ZFHX3: variants seen among roughly 807,000 people sequenced by gnomAD.
The protein encoded by ZFHX3 is zinc finger homeobox protein 3.
ZFHX3 carries 42 observed loss-of-function variants against 279.1 expected under a neutral mutation model. That is an observed-to-expected ratio of 0.15 (90% CI 0.12 to 0.19). The LOEUF (loss-of-function observed/expected upper bound fraction) is 0.19, where lower values mean the gene tolerates loss of function less well. Ranked by LOEUF, ZFHX3 falls within the 10% of genes least tolerant of loss-of-function variation. The probability of loss-of-function intolerance (pLI) is 1.00; values close to 1 mark genes in which losing one functional copy is unlikely to be tolerated. For missense variants in ZFHX3, 4,981 were observed against 4,754.0 expected, an observed-to-expected ratio of 1.05 and a Z score of -1.40; for synonymous variants, 2,293 against 1,957.8, an observed-to-expected ratio of 1.17 and a Z score of -4.52.
intron 2 of ZFHX3, among the ~76,000 whole-genome samples, chr16:72,956,597 G>A (rs1226435965): frequency 1.3e-5 from 2 of 152,136 alleles, no homozygotes; most frequent in Non-Finnish European, 2.9e-5. Flanking sequence ...TGGTAAGACT[G>A]GGAGCCTGAA....
intron 7 of ZFHX3, chr16:73,123,533 G>GCCACATACA (rs1703689184): frequency 6.6e-6 from 1 of 151,276 alleles, no homozygotes; most frequent in Admixed American, 6.6e-5. Context: ...CCTGACTGTA[G>GCCACATACA]CCACATACAC....
At chr16:73,091,017 C>T (rs1966071875) in intron 8 of ZFHX3, among the ~76,000 whole-genome samples, 1 of 151,482 alleles carries the variant, frequency 6.6e-6, no homozygotes, top group Admixed American at 6.6e-5. Context: ...AAAGACCATC[C>T]TGGCTAACAC....
intron 2 of ZFHX3, among the ~76,000 whole-genome samples, chr16:73,676,902 A>C (rs1307500840): frequency 1.3e-5 from 2 of 152,042 alleles, no homozygotes; most frequent in African/African-American, 4.8e-5. Context: ...AATTCAACAC[A>C]AATATGCAAT....
At chr16:73,349,384 T>C (rs912096359) in intron 3 of ZFHX3, among the ~76,000 whole-genome samples, 2 of 152,182 alleles carry the variant, frequency 1.3e-5, no homozygotes, top group African/African-American at 4.8e-5. Flanking sequence ...AGCAGCCTCA[T>C]GCAGGATTTG....
At chr16:73,165,212 G>T (rs1234221406) in intron 5 of ZFHX3, among the ~76,000 whole-genome samples, 3 of 152,190 alleles carry the variant, frequency 2.0e-5, no homozygotes, top group Non-Finnish European at 4.4e-5. Context: ...CAAGGTCCAA[G>T]CTGGAATTAC....
intron 2 of ZFHX3, among the ~76,000 whole-genome samples, chr16:73,546,750 G>T (rs2020120438): frequency 1.4e-5 from 2 of 144,208 alleles, no homozygotes; most frequent in Non-Finnish European, 3.1e-5. Context: ...CTTCTTTTTC[G>T]GCTTCTTCTT....
intron 2 of ZFHX3, among the ~76,000 whole-genome samples, chr16:73,523,192 T>C (rs948046692): frequency 2.6e-5 from 4 of 152,326 alleles, no homozygotes; most frequent in African/African-American, 9.6e-5. Context: ...TTGGGATTTA[T>C]TATAATTTGG....
rs2017727689 is a variant in ZFHX3, at chr16:73,422,022, A to G, written c.-1291+33981T>C. ...ACCTGCTTGGAGCTTCCTCATGCAA[A>G]AGGTACATTTCCTCTACCACGCTTC... On this transcript the variant is annotated intron_variant, in intron 3 of 17. Transcript: ENST00000641206. Among the ~76,000 whole-genome samples, 3 of 152,104 alleles carry G rather than the reference A, an allele frequency of 2.0e-5. No individual in the cohort carries two copies. In the South Asian group the frequency reaches 6.2e-4, roughly 32 times the overall value.
chr16:73,872,353 G>A (rs1266444375), intron 1 of ZFHX3, among the ~76,000 whole-genome samples: 1 of 151,946 alleles, frequency 6.6e-6, no homozygotes. Context: ...AGCCTCCCCA[G>A]TAGCTGGGAT....
intron 1 of ZFHX3, among the ~76,000 whole-genome samples, chr16:73,008,911 CGTGTGT>C (rs5817822): frequency 4.0e-4 from 60 of 149,594 alleles, no homozygotes; most frequent in Middle Eastern, 3.4e-3. Flanking sequence ...AAAGTATATA[CGTGTGT>C]GTGTGTGTGT....
intron 3 of ZFHX3, among the ~76,000 whole-genome samples, chr16:72,927,099 T>C (rs1959492392): frequency 6.6e-6 from 1 of 152,210 alleles, no homozygotes; most frequent in Non-Finnish European, 1.5e-5. Flanking sequence ...ATTTCACTTT[T>C]AGAATTTGAA....
At chr16:72,877,565 T>C (rs966427597) in intron 4 of ZFHX3, among the ~76,000 whole-genome samples, 1 of 152,268 alleles carries the variant, frequency 6.6e-6, no homozygotes, top group Middle Eastern at 3.4e-3. Flanking sequence ...ATTCTTCGTG[T>C]CTGGTGTTTA....
At chr16:73,436,608 C>T (rs1416451110) in intron 3 of ZFHX3, among the ~76,000 whole-genome samples, 3 of 152,128 alleles carry the variant, frequency 2.0e-5, no homozygotes, top group Non-Finnish European at 2.9e-5. Flanking sequence ...GCAGACACAG[C>T]CAAACCGTAT....
At chr16:72,961,982 A>G (rs1012684761) in intron 1 of ZFHX3, among the ~76,000 whole-genome samples, 1 of 152,206 alleles carries the variant, frequency 6.6e-6, no homozygotes, top group African/African-American at 2.4e-5. Context: ...GATACAGGTG[A>G]GACTGCAGGG....
At chr16:72,941,342 T>C (rs1397501437) in intron 3 of ZFHX3, among the ~76,000 whole-genome samples, 1 of 152,230 alleles carries the variant, frequency 6.6e-6, no homozygotes, top group Non-Finnish European at 1.5e-5. Context: ...TTTCTTTTGT[T>C]GGGAACCACT....
chr16:73,063,242 G>A (rs1038824923), upstream of ZFHX3, among the ~76,000 whole-genome samples: 1 of 152,240 alleles, frequency 6.6e-6, no homozygotes, highest in Non-Finnish European at 1.5e-5. Flanking sequence ...TCATCCTGGA[G>A]CGAGGTGCAG....
intron 1 of ZFHX3, among the ~76,000 whole-genome samples, chr16:73,786,877 C>T (rs1192246118): frequency 6.6e-6 from 1 of 152,186 alleles, no homozygotes; most frequent in Non-Finnish European, 1.5e-5. Context: ...ACAGAGGCAG[C>T]CAGAGCCTCC....
At chr16:73,106,287 C>CATTCT (rs1411719041) in intron 7 of ZFHX3, among the ~76,000 whole-genome samples, 1 of 151,964 alleles carries the variant, frequency 6.6e-6, no homozygotes, top group Non-Finnish European at 1.5e-5. Flanking sequence ...TGGAATTTAA[C>CATTCT]ATTCTTTTAT....
intron 3 of ZFHX3, among the ~76,000 whole-genome samples, chr16:72,948,945 T>C (rs149153431): frequency 2.6e-5 from 4 of 152,374 alleles, no homozygotes; most frequent in African/African-American, 9.6e-5. Context: ...AGCAAGGTTC[T>C]TGCTCATTTG....
Sources: gnomAD v4.1 joint callset for allele counts (sites outside exome capture counted in the v4.1 genomes callset) on GRCh38, gnomAD v4.1.1 for gene constraint, MANE v1.5 for transcripts, NCBI Gene and HGNC (gene_info 2026-07-23, HGNC 2026-07-21) for gene names.